Variants in TMEM229B observed in about 807,000 individuals in gnomAD.
TMEM229B encodes the protein transmembrane protein 229B, also known as chromosome 14 open reading frame 83.
TMEM229B carries 6 observed loss-of-function variants against 13.7 expected under a neutral mutation model. The observed-to-expected ratio is 0.44, with a 90% CI of 0.24 to 0.86. TMEM229B has a LOEUF of 0.86. TMEM229B is among the 40% of genes least tolerant of loss of function. The probability of loss-of-function intolerance (pLI) is 0.23; values close to 1 mark genes in which losing one functional copy is unlikely to be tolerated. For synonymous variants in TMEM229B, 107 were observed against 102.1 expected, an observed-to-expected ratio of 1.05 and a Z score of -0.29; for missense variants, 170 against 236.0, an observed-to-expected ratio of 0.72 and a Z score of 1.83.
chr14:67,488,152 A>C (rs2031984164), intron 1 of TMEM229B, among the ~76,000 whole-genome samples: 1 of 151,926 alleles, frequency 6.6e-6, no homozygotes, highest in Admixed American at 6.6e-5. Flanking sequence ...GGGAGCTGGC[A>C]CTCCCCTGTG....
At chr14:67,513,993 TC>T (rs1196851607) in intron 1 of TMEM229B, among the ~76,000 whole-genome samples, 1 of 152,082 alleles carries the variant, frequency 6.6e-6, no homozygotes, top group Non-Finnish European at 1.5e-5. Flanking sequence ...TGATCCCTCT[TC>T]CTGGTACAGC....
At position 67,504,753 on chromosome 14, in the gene TMEM229B, C is replaced by T. The variant is rs755029459; in HGVS notation, c.-192+10333G>A. 3.3e-5 allele frequency among the ~76,000 whole-genome samples: 5 copies of T among 151,974 alleles called. No homozygotes were observed. The East Asian group carries it at 5.8e-4, about 18-fold the overall frequency. ...TACAAAAATTATCTGGGCGTGGTGG[C>T]GGGTGCCCATAATCCCAGCTACTCG... On this transcript the variant is annotated intron_variant, in intron 1 of 2. Coordinates refer to the TMEM229B transcript ENST00000357461.
At chr14:67,494,568 G>C (rs1010978996) in intron 1 of TMEM229B, among the ~76,000 whole-genome samples, 1 of 152,128 alleles carries the variant, frequency 6.6e-6, no homozygotes, top group Non-Finnish European at 1.5e-5. Flanking sequence ...AATCGGCCCC[G>C]CCCCCACACA....
chr14:67,516,758 C>T (rs571134417), upstream of TMEM229B, among the ~76,000 whole-genome samples: 2 of 152,318 alleles, frequency 1.3e-5, no homozygotes, highest in East Asian at 3.9e-4. Flanking sequence ...AGCCCATCCC[C>T]ATGTATATCG....
intron 1 of TMEM229B, among the ~76,000 whole-genome samples, chr14:67,498,773 C>T (rs1441892245): frequency 3.3e-5 from 5 of 151,156 alleles, no homozygotes; most frequent in Admixed American, 2.0e-4. Context: ...TCAAGCAATT[C>T]TCCTGTCTCA....
At chr14:67,520,678 A>G (rs2033277904) in intron 1 of TMEM229B, among the ~76,000 whole-genome samples, 1 of 149,872 alleles carries the variant, frequency 6.7e-6, no homozygotes, top group Non-Finnish European at 1.5e-5. Context: ...TAAATTTCCA[A>G]CTCCTTTGGG....
rs770284603 is a variant in TMEM229B at position 67,473,836 on chromosome 14, C to A, written c.88G>T (p.Ala30Ser). ...TTCAAGTTCACCACGAACTCCCAGG[C>A]CGCTGTGAACATCACCTCGCAGAAG... ...GYFCEVMFTA[A>S]WEFVVNLNWK... is the part of the protein sequence containing the mutation. Residue 30 changes from alanine (A) to serine (S), a missense_variant, in exon 3 of 3, where the codon GCC (alanine) becomes TCC (serine). Around this residue, in one of 4 missense-constraint regions of TMEM229B, gnomAD observed 36 missense variants for 83.8 expected, o/e 0.43. Coordinates refer to ENST00000554480, the MANE Select transcript of TMEM229B (RefSeq NM_001348543.2). This position sits in a 1 kb window ranked among gnomAD's most constrained non-coding sequence, Gnocchi z 6.5. The A allele has an allele frequency of 2.5e-6, 4 of 1,613,470 alleles. No individual in the cohort carries two copies. The highest frequency in any genetic ancestry group is 3.4e-6 in the Non-Finnish European group (4 of 1,179,794).
chr14:67,490,611 T>C (rs2032130702), upstream of TMEM229B, among the ~76,000 whole-genome samples: 1 of 152,200 alleles, frequency 6.6e-6, no homozygotes, highest in African/African-American at 2.4e-5. Context: ...TTCTCTCCTT[T>C]CCTATAACTA....
chr14:67,483,963 T>C (rs1407880082), intron 2 of TMEM229B, among the ~76,000 whole-genome samples: 1 of 152,130 alleles, frequency 6.6e-6, no homozygotes. Flanking sequence ...CAGAGGTCCC[T>C]GGGGCTCAGA....
intron 1 of TMEM229B, among the ~76,000 whole-genome samples, chr14:67,505,214 CAG>C (rs2032774925): frequency 6.6e-6 from 1 of 152,032 alleles, no homozygotes; most frequent in Non-Finnish European, 1.5e-5. Flanking sequence ...TCAGAATGGG[CAG>C]AGACTGGGGA....
intron 2 of TMEM229B, among the ~76,000 whole-genome samples, chr14:67,485,675 C>A (rs1322231645): frequency 6.6e-6 from 1 of 152,224 alleles, no homozygotes; most frequent in Non-Finnish European, 1.5e-5. Flanking sequence ...TCAGGCCAGA[C>A]AGGCCTCTGG....
chr14:67,486,084 G>A (rs116196776), intron 2 of TMEM229B, among the ~76,000 whole-genome samples: 4,548 of 152,310 alleles, frequency 0.03, 214 homozygotes, highest in African/African-American at 0.1. Flanking sequence ...CTGTTTCCCA[G>A]GTGTGAGTGC....
chr14:67,514,617 G>C (rs533169952), intron 1 of TMEM229B, among the ~76,000 whole-genome samples: 1 of 152,162 alleles, frequency 6.6e-6, no homozygotes, highest in Non-Finnish European at 1.5e-5. Flanking sequence ...AATTCAGGAG[G>C]GTCCTTGGTT....
chr14:67,497,368 G>A lies in TMEM229B; in HGVS notation c.-191-10196C>T, dbSNP rs1351888876. Among the ~76,000 whole-genome samples, 4 of 152,214 alleles carry A rather than the reference G, an allele frequency of 2.6e-5. No homozygotes were observed. The South Asian group carries it at 6.2e-4, about 24-fold the overall frequency. ...CATACAAATACCGAGACACTGTAGCGCAGGCCGAGAACGCAGGTATCCCAG... is the reference window on the plus strand; with the variant it reads ...CATACAAATACCGAGACACTGTAGCACAGGCCGAGAACGCAGGTATCCCAG... On this transcript the variant is annotated intron_variant, in intron 1 of 2. Transcript: ENST00000357461.
chr14:67,531,200 G>A (rs1330007272), intron 1 of TMEM229B, among the ~76,000 whole-genome samples: 1 of 152,180 alleles, frequency 6.6e-6, no homozygotes, highest in Non-Finnish European at 1.5e-5. Context: ...AGGACTGCTT[G>A]AGCCTAGGAG....
rs530930476 is a variant in TMEM229B, at chr14:67,484,039, G to A, written c.-19+2961C>T. Among the ~76,000 whole-genome samples, 5 of 152,326 alleles carry A rather than the reference G, an allele frequency of 3.3e-5. No individual in the cohort carries two copies. In the South Asian group the frequency reaches 8.3e-4, roughly 25 times the overall value. On this transcript the variant is annotated intron_variant, in intron 2 of 2. Transcript: ENST00000554480. ...TCCCAGACCTGTATGTGGCTGCCTTGCTGTTACCATTCAGATCTCAGCTGA... is the reference window on the plus strand; with the variant it reads ...TCCCAGACCTGTATGTGGCTGCCTTACTGTTACCATTCAGATCTCAGCTGA...
At chr14:67,478,789 G>A (rs998107639) in intron 2 of TMEM229B, among the ~76,000 whole-genome samples, 4 of 152,066 alleles carry the variant, frequency 2.6e-5, no homozygotes, top group African/African-American at 7.2e-5. Flanking sequence ...CTCCAGAGTT[G>A]TCTTCCCACT....
chr14:67,515,205 C>T (rs534566375), exon 1 of TMEM229B: 35 of 152,222 alleles, frequency 2.3e-4, no homozygotes, highest in African/African-American at 8.2e-4. Context: ...CGCCGGGACT[C>T]GGGGCGCTCT....
At chr14:67,489,786 C>T (rs528762424), upstream of TMEM229B, among the ~76,000 whole-genome samples, 61 of 152,236 alleles carry the variant, frequency 4.0e-4, no homozygotes, top group African/African-American at 1.2e-3. Flanking sequence ...GTCAGGAGAT[C>T]GAGACCATCC....
Sources: gnomAD v4.1 joint callset for allele counts (sites outside exome capture counted in the v4.1 genomes callset) on GRCh38, gnomAD v4.1.1 for gene constraint, gnomAD v4.1.1 regional missense constraint, Gnocchi (gnomAD v3.1) non-coding constraint, MANE v1.5 for transcripts, NCBI Gene and HGNC (gene_info 2026-07-23, HGNC 2026-07-21) for gene names.